Variants in NAA15 observed in about 807,000 individuals in gnomAD.
NAA15 encodes the protein N-terminal acetyltransferase.
Under a neutral mutation model 114.0 loss-of-function variants are expected in NAA15, and 34 were observed. The ratio of observed to expected loss-of-function variants is 0.30; its 90% CI spans 0.23 to 0.40. The LOEUF (loss-of-function observed/expected upper bound fraction) is 0.40, where lower values mean the gene tolerates loss of function less well. Among genes scored for constraint, NAA15 ranks in the 10% least tolerant of loss-of-function variants. The probability of loss-of-function intolerance (pLI) is 1.00; values close to 1 mark genes in which losing one functional copy is unlikely to be tolerated. For missense variants in NAA15, 658 were observed against 1,004.5 expected (o/e 0.66, Z 4.66); for synonymous variants, 340 against 338.0 (o/e 1.01, Z -0.06).
Position 139,389,240 on chromosome 4 carries a change from T to C in NAA15, c.*1156T>C, listed in dbSNP as rs1270320143. 6.6e-6 allele frequency: 1 copy of C among 152,418 alleles called. No homozygotes were observed. Among genetic ancestry groups the C allele is most frequent in the Non-Finnish European group, 1.5e-5 (1 of 68,012 alleles). The allele number at this position is 152,418 out of a possible 1,614,324, so 9.4% of individuals were successfully genotyped here. On this transcript the variant is annotated 3_prime_UTR_variant, in exon 20 of 20. Coordinates refer to ENST00000296543, the MANE Select transcript of NAA15 (RefSeq NM_057175.5). ...TTCAAATAACAGACCAGCTTCTTTT[T>C]CTTGCAGTTACAGATGTAATTTCCT...
chr4:139,358,491 T>A (rs1445606974), intron 11 of NAA15, among the ~76,000 whole-genome samples: 1 of 152,090 alleles, frequency 6.6e-6, no homozygotes, highest in Non-Finnish European at 1.5e-5. Flanking sequence ...CCCCTGCACC[T>A]GGCTAAAGAA....
rs1420333088 is a variant in NAA15, at chr4:139,359,770, A to T, written c.1285A>T (p.Arg429Trp). The T allele has an allele frequency of 3.7e-6, 6 of 1,603,236 alleles. No individual in the cohort carries two copies. Among genetic ancestry groups the T allele is most frequent in the Non-Finnish European group, 5.1e-6 (6 of 1,177,766 alleles). The change falls in exon 12 of 20, where the codon AGG (arginine) becomes TGG (tryptophan). Residue 429 changes from arginine to tryptophan, a missense_variant. This residue lies in a region of NAA15 where 281 missense variants were observed against 389.1 expected (regional missense o/e 0.72). Coordinates refer to ENST00000296543, the MANE Select transcript of NAA15 (RefSeq NM_057175.5). ...KHAGNIKEAA[R>W]WMDEAQALDT... is the part of the protein sequence containing the mutation. ...TGCTGGAAATATTAAAGAAGCTGCA[A>T]GGTGGATGGATGAGGCCCAGGCCTT...
At position 139,327,082 on chromosome 4, in the gene NAA15, C is replaced by T. The variant is rs978076732; in HGVS notation, c.55-7092C>T. ...TCCTGAGTAGTTGGGCCTAAAGGCA[C>T]ACACCACCATGCCTGGCTAATTTTT... On this transcript the variant is annotated intron_variant, in intron 1 of 19. Transcript: ENST00000296543. 2.0e-5 allele frequency among the ~76,000 whole-genome samples: 3 copies of T among 152,106 alleles called. No individual in the cohort carries two copies. The East Asian group carries it at 5.8e-4, about 29-fold the overall frequency.
At chr4:139,363,353 C>T (rs1290844603) in intron 14 of NAA15, among the ~76,000 whole-genome samples, 1 of 152,176 alleles carries the variant, frequency 6.6e-6, no homozygotes, top group East Asian at 1.9e-4. Flanking sequence ...CAGCAATTAT[C>T]CCTGTGAAAG....
chr4:139,325,339 G>T (rs1451893649), intron 1 of NAA15, among the ~76,000 whole-genome samples: 1 of 152,142 alleles, frequency 6.6e-6, no homozygotes, highest in Admixed American at 6.5e-5. Context: ...TGTAGGTGAT[G>T]GAAAGAGCTT....
intron 15 of NAA15, among the ~76,000 whole-genome samples, chr4:139,372,851 C>T (rs1748480928): frequency 6.6e-6 from 1 of 151,990 alleles, no homozygotes; most frequent in African/African-American, 2.4e-5. Context: ...TACATTCTGA[C>T]AAATGCATGC....
At chr4:139,374,090 A>G (rs574728751) in intron 15 of NAA15, among the ~76,000 whole-genome samples, 8 of 152,280 alleles carry the variant, frequency 5.3e-5, no homozygotes, top group African/African-American at 1.9e-4. Flanking sequence ...AAAAAGTTGT[A>G]TCATTTTAAA....
At chr4:139,376,689 CAT>C (rs1748590874) in intron 16 of NAA15, among the ~76,000 whole-genome samples, 1 of 152,220 alleles carries the variant, frequency 6.6e-6, no homozygotes, top group Non-Finnish European at 1.5e-5. Flanking sequence ...ATGTACATAA[CAT>C]AACTAGGATT....
chr4:139,304,164 C>T (rs535136625), intron 1 of NAA15, among the ~76,000 whole-genome samples: 379 of 152,318 alleles, frequency 2.5e-3, no homozygotes, highest in African/African-American at 7.6e-3. Context: ...GTGATCCGCC[C>T]GCCTCGGCCT....
intron 6 of NAA15, among the ~76,000 whole-genome samples, chr4:139,348,228 T>C (rs1316383677): frequency 1.3e-5 from 2 of 151,882 alleles, no homozygotes; most frequent in Non-Finnish European, 1.5e-5. Flanking sequence ...CCAAGGTGGG[T>C]GGATCACTTG....
intron 1 of NAA15, among the ~76,000 whole-genome samples, chr4:139,320,563 C>G (rs1294551432): frequency 6.6e-6 from 1 of 152,146 alleles, no homozygotes; most frequent in African/African-American, 2.4e-5. Flanking sequence ...CTCTGTCGTC[C>G]AGGCTGGAGT....
intron 6 of NAA15, among the ~76,000 whole-genome samples, chr4:139,344,833 A>G (rs1415819137): frequency 1.3e-5 from 2 of 152,208 alleles, no homozygotes; most frequent in Non-Finnish European, 2.9e-5. Flanking sequence ...CAGAAAGAAT[A>G]TGAGTTCTGG....
At chr4:139,302,131 G>C (rs1745798355) in intron 1 of NAA15, 3 of 343,822 alleles carry the variant, frequency 8.7e-6, no homozygotes, top group Non-Finnish European at 1.6e-5. Flanking sequence ...GGGGAGAAGA[G>C]GCCCGGCCTT....
chr4:139,343,105 G>T, intron 5 of NAA15, 145 bp downstream of exon 5: 1 of 610,420 alleles, frequency 1.6e-6, no homozygotes, highest in Non-Finnish European at 2.8e-6. Flanking sequence ...CTACATAGGG[G>T]TTCATTCATA....
At chr4:139,305,198 A>G (rs1466431649) in intron 1 of NAA15, among the ~76,000 whole-genome samples, 1 of 152,244 alleles carries the variant, frequency 6.6e-6, no homozygotes, top group African/African-American at 2.4e-5. Context: ...TTTTTGTGGT[A>G]GTGTTAGTGG....
intron 1 of NAA15, among the ~76,000 whole-genome samples, chr4:139,317,310 T>C (rs1201597568): frequency 6.6e-6 from 1 of 150,472 alleles, no homozygotes; most frequent in Non-Finnish European, 1.5e-5. Context: ...TTTATGAGGA[T>C]TTGTGGAGGG....
chr4:139,345,082 A>T (rs941667263), intron 6 of NAA15, among the ~76,000 whole-genome samples: 1 of 152,236 alleles, frequency 6.6e-6, no homozygotes, highest in African/African-American at 2.4e-5. Context: ...TGCTGGTTTC[A>T]CATTCCCTTG....
intron 1 of NAA15, among the ~76,000 whole-genome samples, chr4:139,320,024 T>A (rs1283967696): frequency 1.3e-5 from 2 of 152,368 alleles, no homozygotes; most frequent in Non-Finnish European, 2.9e-5. Flanking sequence ...TTTCAGAGTG[T>A]TCACTATTGC....
chr4:139,346,802 T>A (rs1747597996), intron 6 of NAA15, among the ~76,000 whole-genome samples: 1 of 152,192 alleles, frequency 6.6e-6, no homozygotes, highest in South Asian at 2.1e-4. Context: ...ATTATAGGCG[T>A]GAGCCACCGC....
Sources: gnomAD v4.1 joint callset for allele counts (sites outside exome capture counted in the v4.1 genomes callset) on GRCh38, gnomAD v4.1.1 for gene constraint, gnomAD v4.1.1 regional missense constraint, MANE v1.5 for transcripts, NCBI Gene and HGNC (gene_info 2026-07-23, HGNC 2026-07-21) for gene names.